The following CNTN3 variants were observed in gnomAD, a reference collection of about 807,000 sequenced individuals.
CNTN3 encodes contactin 3.
CNTN3 carries 60 observed loss-of-function variants against 119.1 expected under a neutral mutation model. The ratio of observed to expected loss-of-function variants is 0.50; its 90% CI spans 0.41 to 0.62. The LOEUF (loss-of-function observed/expected upper bound fraction) is 0.62, where lower values mean the gene tolerates loss of function less well. Ranked by LOEUF, CNTN3 falls within the 20% of genes least tolerant of loss-of-function variation. CNTN3 has a pLI of 0.00. For synonymous variants in CNTN3, 450 were observed against 438.7 expected (o/e 1.03, Z -0.32); for missense variants, 1,101 against 1,242.4 (o/e 0.89, Z 1.71).
At position 74,264,123 on chromosome 3, in the gene CNTN3, C is replaced by T. The variant is rs893415166; in HGVS notation, c.*278G>A. 7 of 226,526 alleles carry T rather than the reference C, an allele frequency of 3.1e-5. No homozygotes were observed. The highest frequency in any genetic ancestry group is 5.7e-5 in the Admixed American group (1 of 17,548). The allele number at this position is 226,526 out of a possible 1,614,324, so 14.0% of individuals were successfully genotyped here. A position where few individuals can be genotyped will look rare whatever the true frequency, so the allele number is the denominator to read the frequency against. On this transcript the variant is annotated 3_prime_UTR_variant, in exon 23 of 23. Transcript: ENST00000263665. ...CATGTGAGAGTGTGTGAGTCTTTAT[C>T]CATAGGCAGTGCTTAAACTCATAGT... is the stretch of plus-strand genomic sequence containing the variant.
At chr3:74,374,283 GT>G (rs397874867) in intron 5 of CNTN3, among the ~76,000 whole-genome samples, 5,855 of 142,562 alleles carry the variant, frequency 0.041, 347 homozygotes, top group African/African-American at 0.14. Context: ...CTTTTTTCCA[GT>G]TTTTTTTTTT....
At chr3:74,367,857 C>T (rs576252282) in intron 8 of CNTN3, among the ~76,000 whole-genome samples, 4 of 151,900 alleles carry the variant, frequency 2.6e-5, no homozygotes, top group Non-Finnish European at 5.9e-5. Flanking sequence ...GGTGTGTTCC[C>T]ATAATGGTCA....
intron 11 of CNTN3, among the ~76,000 whole-genome samples, chr3:74,360,289 A>C (rs1362223814): frequency 6.6e-6 from 1 of 152,144 alleles, no homozygotes; most frequent in Non-Finnish European, 1.5e-5. Flanking sequence ...TTTCCAAAGT[A>C]ATAATTTGGA....
chr3:74,266,506 T>C lies in CNTN3; in HGVS notation c.2961A>G (p.Glu987=). Residue 987 remains glutamate (E), a synonymous_variant, in exon 22 of 23, where the codon GAA becomes GAG. Transcript: ENST00000263665. The part of the protein sequence containing the change: ...TTDGGDGTSS[E]QIRIPRITSM... ...TGGTTATTCGTGGAATCCTGATCTG[T>C]TCACTACTGGTCCCATCCCCTCCAT... The C allele has an allele frequency of 6.2e-7, 1 of 1,613,456 alleles. No homozygotes were observed.
chr3:74,460,107 T>C (rs1489100967), intron 4 of CNTN3, among the ~76,000 whole-genome samples: 1 of 152,058 alleles, frequency 6.6e-6, no homozygotes, highest in East Asian at 1.9e-4. Context: ...CTCTATTTTG[T>C]TCCTTGATCC....
At chr3:74,379,687 G>A (rs897903407) in intron 5 of CNTN3, among the ~76,000 whole-genome samples, 1 of 152,094 alleles carries the variant, frequency 6.6e-6, no homozygotes, top group African/African-American at 2.4e-5. Flanking sequence ...CGGTGGGACT[G>A]ACTACCCTTC....
chr3:74,552,432 T>C (rs755913242), intron 1 of CNTN3, among the ~76,000 whole-genome samples: 1 of 152,056 alleles, frequency 6.6e-6, no homozygotes, highest in Non-Finnish European at 1.5e-5. Context: ...TGAGTGAGAG[T>C]TCTGTTGCTC....
chr3:74,515,772 T>G lies in CNTN3; in HGVS notation c.55+5286A>C, dbSNP rs183220774. Among the ~76,000 whole-genome samples the G allele has an allele frequency of 1.6e-3, 248 of 152,196 alleles. 1 individual carries two copies. The highest frequency in any genetic ancestry group is 2.2e-3 in the Non-Finnish European group (149 of 67,984). On this transcript the variant is annotated intron_variant, in intron 2 of 22. Transcript: ENST00000263665. ...GTTTTGTTTGACTTAGAAGCAGCTC[T>G]ATCTGAAAGAAATCATTTTCCTTTC...
intron 1 of CNTN3, among the ~76,000 whole-genome samples, chr3:74,559,135 A>C (rs1407938592): frequency 6.6e-6 from 1 of 151,990 alleles, no homozygotes; most frequent in Admixed American, 6.6e-5. Flanking sequence ...AAAGAAACAT[A>C]CCTGAAAGGG....
At chr3:74,310,383 T>G (rs184576242) in intron 13 of CNTN3, among the ~76,000 whole-genome samples, 1 of 152,138 alleles carries the variant, frequency 6.6e-6, no homozygotes, top group Admixed American at 6.6e-5. Context: ...TTCTGTTCAG[T>G]AATGTGTAAG....
At chr3:74,563,571 C>T (rs1257395114) in intron 1 of CNTN3, among the ~76,000 whole-genome samples, 1 of 152,028 alleles carries the variant, frequency 6.6e-6, no homozygotes, top group Non-Finnish European at 1.5e-5. Flanking sequence ...GGCAGAATAC[C>T]CTGGAACAAA....
At chr3:74,569,840 T>A (rs1244656448) in intron 1 of CNTN3, among the ~76,000 whole-genome samples, 1 of 152,148 alleles carries the variant, frequency 6.6e-6, no homozygotes, top group Non-Finnish European at 1.5e-5. Flanking sequence ...TTCACCAAGC[T>A]GACTCAGGTT....
At chr3:74,492,539 C>T (rs1702983175) in intron 3 of CNTN3, among the ~76,000 whole-genome samples, 2 of 152,296 alleles carry the variant, frequency 1.3e-5, no homozygotes, top group South Asian at 2.1e-4. Flanking sequence ...TTCCTTAAAA[C>T]AGCTGCATGC....
intron 1 of CNTN3, among the ~76,000 whole-genome samples, chr3:74,566,113 C>T (rs1704222389): frequency 6.6e-6 from 1 of 152,158 alleles, no homozygotes; most frequent in African/African-American, 2.4e-5. Flanking sequence ...ATAAACTACC[C>T]AGGCTCAGGT....
Position 74,499,720 on chromosome 3 carries a change from A to G in CNTN3, c.121T>C (p.Ser41Pro). 1 of 1,611,856 alleles carries G rather than the reference A, an allele frequency of 6.2e-7. No individual in the cohort carries two copies. The highest frequency in any genetic ancestry group is 8.5e-7 in the Non-Finnish European group (1 of 1,178,548). ...EPSNSIFPVG[S>P]EDKKITLHCE... ...TGCAAAGTTATTTTTTTATCTTCTG[A>G]ACCAACAGGGAAAATGCTGTTGCTG... Residue 41 changes from serine (S) to proline (P), a missense_variant, in exon 3 of 23, where the codon TCA (serine) becomes CCA (proline). Coordinates refer to ENST00000263665, the MANE Select transcript of CNTN3 (RefSeq NM_020872.3).
Position 74,390,338 on chromosome 3 carries a change from G to GTT in CNTN3, c.455-18941_455-18940dup, listed in dbSNP as rs1470718292. On this transcript the variant is annotated intron_variant, in intron 5 of 22. Coordinates refer to ENST00000263665, the MANE Select transcript of CNTN3 (RefSeq NM_020872.3). ...TGTTAAACAGCCCTAACAGCATGCTGTTTTTACTTTACCAGTCTGCTGAGA... is the reference window on the plus strand; with the variant it reads ...TGTTAAACAGCCCTAACAGCATGCTGTTTTTTTACTTTACCAGTCTGCTGAGA... 7.1e-5 allele frequency among the ~76,000 whole-genome samples: 10 copies of GTT among 140,452 alleles called. No homozygotes were observed. The Admixed American group carries it at 7.1e-4, about 10-fold the overall frequency. 92.1% of individuals were successfully genotyped at this position (140,452 alleles called of 152,430 possible). A position where few individuals can be genotyped will look rare whatever the true frequency, so the allele number is the denominator to read the frequency against.
At chr3:74,614,191 C>G (rs1458369499) in intron 1 of CNTN3, among the ~76,000 whole-genome samples, 200 bp downstream of exon 1, 1 of 152,206 alleles carries the variant, frequency 6.6e-6, no homozygotes, top group East Asian at 1.9e-4. Context: ...AACCAATCCT[C>G]GCCCCAGAAG....
intron 1 of CNTN3, among the ~76,000 whole-genome samples, chr3:74,559,604 C>A (rs1213030842): frequency 7.9e-5 from 5 of 63,126 alleles, no homozygotes; most frequent in Non-Finnish European, 2.0e-4. Flanking sequence ...CCAACTTGGA[C>A]CAAAAAAGAA....
chr3:74,274,107 T>C (rs1010137317), intron 20 of CNTN3, among the ~76,000 whole-genome samples: 1 of 151,996 alleles, frequency 6.6e-6, no homozygotes, highest in African/African-American at 2.4e-5. Flanking sequence ...TACATAACTC[T>C]ATTGACCTGG....
Sources: allele counts gnomAD v4.1 joint callset (sites outside exome capture counted in the v4.1 genomes callset), GRCh38; gene constraint gnomAD v4.1.1; transcripts MANE v1.5; gene names NCBI Gene and HGNC (gene_info 2026-07-23, HGNC 2026-07-21).